ASTN2: variants seen among roughly 807,000 people sequenced by gnomAD.
ASTN2 encodes astrotactin 2.
A neutral mutation model predicts 139.8 loss-of-function variants in ASTN2; 54 were observed. That is an observed-to-expected ratio of 0.39 (90% CI 0.31 to 0.48). The LOEUF (loss-of-function observed/expected upper bound fraction) is 0.48. Ranked by LOEUF, ASTN2 falls within the 20% of genes least tolerant of loss-of-function variation. The probability of loss-of-function intolerance (pLI) is 0.95; values close to 1 mark genes in which losing one functional copy is unlikely to be tolerated. For missense variants in ASTN2, 1,565 were observed against 1,725.1 expected, an observed-to-expected ratio of 0.91 and a Z score of 1.64; for synonymous variants, 756 against 719.5, an observed-to-expected ratio of 1.05 and a Z score of -0.81.
In ASTN2 at chr9:116,698,312, T is replaced by C; in HGVS notation, c.2806+27459A>G. The C allele has an allele frequency of 6.2e-7, 1 of 1,614,152 alleles. No homozygotes were observed. Among genetic ancestry groups the C allele is most frequent in the South Asian group, 1.1e-5 (1 of 91,078 alleles). ...AAGCAGTTCTCCAGGAGTATGGGCA[T>C]GAGGAGCGCAGGGTCCAGGATGAGC... On this transcript the variant is annotated intron_variant, in intron 16 of 22. Coordinates refer to ENST00000313400, the MANE Select transcript of ASTN2 (RefSeq NM_001365068.1). This position sits in a 1 kb window ranked among gnomAD's most constrained non-coding sequence, Gnocchi z 4.4.
intron 21 of ASTN2, among the ~76,000 whole-genome samples, chr9:116,441,813 C>T (rs1032188962): frequency 6.6e-5 from 10 of 152,184 alleles, no homozygotes; most frequent in Non-Finnish European, 7.3e-5. Flanking sequence ...ACTGCATCTA[C>T]ACAATGCTGA....
intron 4 of ASTN2, among the ~76,000 whole-genome samples, chr9:117,134,702 A>G (rs192403685): frequency 3.7e-4 from 57 of 152,256 alleles, no homozygotes; most frequent in Non-Finnish European, 1.5e-5. Context: ...GCCTTCTTTA[A>G]TTATTCCCCC....
intron 19 of ASTN2, among the ~76,000 whole-genome samples, chr9:116,536,842 CT>C (rs1851652055): frequency 6.6e-6 from 1 of 152,220 alleles, no homozygotes; most frequent in African/African-American, 2.4e-5. Context: ...GTTCTCAGAT[CT>C]CAAACTCCAT....
chr9:116,651,766 T>G lies in ASTN2; in HGVS notation c.2834A>C (p.Glu945Ala). ...GGTGATGAAGGGCATGGACTTGAGC[T>G]CCTTCTTGCTGCCCAGCTCTGTGGT... Reference protein sequence around the residue: ...KETTELGSKKELKSMPFITYL... With the variant: ...KETTELGSKKALKSMPFITYL... Residue 945 changes from glutamate (E) to alanine (A), a missense_variant, in exon 17 of 23, where the codon GAG becomes GCG. Coordinates refer to ENST00000313400, the MANE Select transcript of ASTN2 (RefSeq NM_001365068.1). 6.2e-7 allele frequency: 1 copy of G among 1,613,964 alleles called. No homozygotes were observed. The highest frequency in any genetic ancestry group is 8.5e-7 in the Non-Finnish European group (1 of 1,179,904).
intron 2 of ASTN2, among the ~76,000 whole-genome samples, chr9:117,256,652 G>A (rs1443225591): frequency 6.6e-6 from 1 of 152,084 alleles, no homozygotes; most frequent in Non-Finnish European, 1.5e-5. Context: ...CGTTATAGTA[G>A]CATAAATAAG....
At chr9:116,496,820 T>C (rs1446445600) in intron 19 of ASTN2, among the ~76,000 whole-genome samples, 1 of 152,210 alleles carries the variant, frequency 6.6e-6, no homozygotes, top group Non-Finnish European at 1.5e-5. Flanking sequence ...AGAGAGCTTG[T>C]GCAGGGGAAC....
intron 19 of ASTN2, chr9:116,546,521 A>C (rs1239260604): frequency 1.3e-5 from 2 of 152,176 alleles, no homozygotes; most frequent in African/African-American, 4.8e-5. Flanking sequence ...GAGTTAAGAG[A>C]TAGGCATGGG....
intron 19 of ASTN2, among the ~76,000 whole-genome samples, chr9:116,548,120 G>A (rs1042019119): frequency 4.6e-5 from 7 of 150,822 alleles, no homozygotes; most frequent in Admixed American, 2.6e-4. Flanking sequence ...TTTCTAAGCC[G>A]GAGCCAGGAG....
intron 16 of ASTN2, among the ~76,000 whole-genome samples, chr9:116,666,552 T>C (rs532512414): frequency 1.3e-5 from 2 of 152,342 alleles, no homozygotes; most frequent in South Asian, 4.1e-4. Context: ...GATCTTGTCA[T>C]TAATAAAGAT....
At chr9:116,616,077 CATAA>C (rs1002740653) in intron 19 of ASTN2, among the ~76,000 whole-genome samples, 3 of 152,020 alleles carry the variant, frequency 2.0e-5, no homozygotes, top group African/African-American at 2.4e-5. Context: ...ACAAGTAATA[CATAA>C]ATAAATAAAC....
intron 3 of ASTN2, among the ~76,000 whole-genome samples, chr9:117,191,177 G>T (rs1227741428): frequency 9.1e-6 from 1 of 109,674 alleles, no homozygotes; most frequent in Non-Finnish European, 1.8e-5. Context: ...ACAGAATAGT[G>T]AAAATGAATT....
intron 13 of ASTN2, among the ~76,000 whole-genome samples, chr9:116,801,904 T>C (rs556922829): frequency 6.6e-6 from 1 of 152,104 alleles, no homozygotes; most frequent in African/African-American, 2.4e-5. Flanking sequence ...CTCCCCTCCA[T>C]GGGCAAATCA....
chr9:116,811,866 G>T (rs991781484), intron 12 of ASTN2, among the ~76,000 whole-genome samples: 1 of 152,020 alleles, frequency 6.6e-6, no homozygotes, highest in Non-Finnish European at 1.5e-5. Flanking sequence ...CTAGTTGCTG[G>T]CCTCTATCTA....
At chr9:116,596,423 CATGTT>C (rs1407490217) in intron 19 of ASTN2, among the ~76,000 whole-genome samples, 14 of 152,074 alleles carry the variant, frequency 9.2e-5, no homozygotes, top group Non-Finnish European at 1.8e-4. Flanking sequence ...GGCTAGATGT[CATGTT>C]AAGTGTTCTT....
intron 6 of ASTN2, among the ~76,000 whole-genome samples, chr9:117,037,698 G>A (rs1270092020): frequency 2.0e-5 from 3 of 152,146 alleles, no homozygotes; most frequent in African/African-American, 7.2e-5. Context: ...TACAATTAAT[G>A]TGTAGTGACA....
intron 19 of ASTN2, chr9:116,612,892 A>G (rs1588082445): frequency 8.6e-6 from 1 of 115,668 alleles, no homozygotes; most frequent in East Asian, 2.2e-4. Flanking sequence ...GGAGATAGAG[A>G]CAAAAAAAAA....
At position 117,064,246 on chromosome 9, in the gene ASTN2, G is replaced by A. The variant is rs192369546; in HGVS notation, c.1277-24281C>T. On this transcript the variant is annotated intron_variant, in intron 5 of 22. Transcript: ENST00000313400. ...CTGTTATCACGGTCCAGCCAGGGCC[G>A]CTGGGATGGCCAGTGCTTCCTCCAA... Among the ~76,000 whole-genome samples the A allele has an allele frequency of 8.5e-5, 13 of 152,166 alleles. No individual in the cohort carries two copies. In the East Asian group the frequency reaches 1.4e-3, roughly 16 times the overall value.
chr9:116,449,172 G>C (rs755293328), intron 20 of ASTN2, among the ~76,000 whole-genome samples: 4 of 152,138 alleles, frequency 2.6e-5, no homozygotes, highest in Non-Finnish European at 4.4e-5. Context: ...TTGGGAGACC[G>C]AGGCAGGTGG....
intron 20 of ASTN2, among the ~76,000 whole-genome samples, chr9:116,465,611 TAATAATA>T (rs1297195047): frequency 6.6e-6 from 1 of 152,184 alleles, no homozygotes; most frequent in African/African-American, 2.4e-5. Flanking sequence ...AAATTACTAT[TAATAATA>T]AATAATAACA....
Sources: allele counts gnomAD v4.1 joint callset (sites outside exome capture counted in the v4.1 genomes callset), GRCh38; gene constraint gnomAD v4.1.1; non-coding constraint Gnocchi (gnomAD v3.1); transcripts MANE v1.5; gene names NCBI Gene and HGNC (gene_info 2026-07-23, HGNC 2026-07-21).